Variants in DDX11 observed in about 807,000 individuals in gnomAD.
The protein encoded by DDX11 is DEAD/H-box helicase 11.
A neutral mutation model predicts 125.2 loss-of-function variants in DDX11; 72 were observed. That is an observed-to-expected ratio of 0.58 (90% CI 0.48 to 0.70). The LOEUF (loss-of-function observed/expected upper bound fraction) is 0.70. Among genes scored for constraint, DDX11 ranks in the 30% least tolerant of loss-of-function variants. The pLI is 0.00. For missense variants in DDX11, 883 were observed against 1,165.0 expected (o/e 0.76, Z 3.52); for synonymous variants, 347 against 452.6 (o/e 0.77, Z 2.96).
At chr12:31,092,940 C>T (rs771891498) in intron 11 of DDX11, 48 bp downstream of exon 11, 4 of 1,609,442 alleles carry the variant, frequency 2.5e-6, no homozygotes, top group Non-Finnish European at 3.4e-6. Flanking sequence ...TGGTGGCCCC[C>T]TGCGTGGGCC....
chr12:31,078,095 A>T, intron 1 of DDX11: 1 of 821,228 alleles, frequency 1.2e-6, no homozygotes, highest in Non-Finnish European at 1.8e-6. Context: ...CCTTTTGTAG[A>T]GGCATTAGAA....
chr12:31,094,935 ATTAC>A (rs1944954949), intron 14 of DDX11, 113 bp downstream of exon 14: 1 of 1,169,592 alleles, frequency 8.5e-7, no homozygotes, highest in South Asian at 1.3e-5. Flanking sequence ...CAGATGTGTA[ATTAC>A]TTAACCCTTA....
intron 18 of DDX11, among the ~76,000 whole-genome samples, chr12:31,098,959 G>A (rs1945829195): frequency 6.6e-6 from 1 of 152,058 alleles, no homozygotes; most frequent in Non-Finnish European, 1.5e-5. Context: ...TCTTGTAATG[G>A]GGAATGACAT....
chr12:31,078,230 C>T (rs562066003), intron 1 of DDX11, 160 bp from the exon 2 acceptor site: 1 of 1,552,528 alleles, frequency 6.4e-7, no homozygotes, highest in African/African-American at 1.4e-5. Context: ...CTCACGTGGA[C>T]CTGCTGCGAA....
Position 31,083,892 on chromosome 12 carries a change from G to A in DDX11, c.224G>A (p.Arg75Gln), listed in dbSNP as rs770115639. ...FEQKKREEEARLLETGTGPLH... is the reference protein window; with the variant it reads ...FEQKKREEEAQLLETGTGPLH... The stretch of plus-strand genomic sequence containing the variant: ...CAGAAGAAGCGTGAAGAAGAGGCAC[G>A]ACTCCTTGAAACTGGAACTGGCCCC... The change falls in exon 3 of 27, where the codon CGA (arginine) becomes CAA (glutamine). Residue 75 changes from arginine (R) to glutamine (Q), a missense_variant. Physicochemically the swap from Arg to Gln is conservative, Grantham distance 43. Coordinates refer to ENST00000542838, the MANE Select transcript of DDX11 (RefSeq NM_030653.4). 11 of 1,613,502 alleles carry A rather than the reference G, an allele frequency of 6.8e-6. No individual in the cohort carries two copies. The highest frequency in any genetic ancestry group is 4.5e-5 in the East Asian group (2 of 44,902).
chr12:31,093,467 G>A (rs146172841), intron 12 of DDX11, 143 bp downstream of exon 12: 12,696 of 1,093,356 alleles, frequency 0.012, 109 homozygotes, highest in Non-Finnish European at 0.014. Flanking sequence ...TGTAATCCCA[G>A]CACTTGGGAG....
At chr12:31,098,790 T>A (rs1945786974) in intron 18 of DDX11, among the ~76,000 whole-genome samples, 1 of 152,216 alleles carries the variant, frequency 6.6e-6, no homozygotes, top group African/African-American at 2.4e-5. Flanking sequence ...ACAGTAATTA[T>A]TGTTTCTGAC....
At position 31,083,841 on chromosome 12, in the gene DDX11, C is replaced by G. The variant is rs1457020856; in HGVS notation, c.173C>G (p.Ala58Gly). ...AAGTCCTTAAGTCTTATTTGTGGGGCCCTCTCTTGGCTCCGTGACTTTGAA... is the reference window on the plus strand; with the variant it reads ...AAGTCCTTAAGTCTTATTTGTGGGGGCCTCTCTTGGCTCCGTGACTTTGAA... ...TGKSLSLICG[A>G]LSWLRDFEQK... The change falls in exon 3 of 27, where the codon GCC becomes GGC. Residue 58 changes from alanine to glycine, a missense_variant. By Grantham distance (60) the Ala-to-Gly change is moderately conservative. This residue lies in a region of DDX11 where 283 missense variants were observed against 359.6 expected (regional missense o/e 0.79). Transcript: ENST00000542838. 1 of 1,612,114 alleles carries G rather than the reference C, an allele frequency of 6.2e-7. No homozygotes were observed. The highest frequency in any genetic ancestry group is 1.7e-5 in the Admixed American group (1 of 60,004).
chr12:31,094,106 A>G (rs1944781383), intron 12 of DDX11, among the ~76,000 whole-genome samples: 1 of 152,132 alleles, frequency 6.6e-6, no homozygotes, highest in African/African-American at 2.4e-5. Flanking sequence ...GCCTCTTTGC[A>G]TGACCCTGTC....
chr12:31,081,630 C>T (rs1941961349), intron 2 of DDX11, among the ~76,000 whole-genome samples: 1 of 151,508 alleles, frequency 6.6e-6, no homozygotes, highest in Non-Finnish European at 1.5e-5. Context: ...CCTTTGTGTC[C>T]TCAGCTCTGA....
intron 12 of DDX11, 193 bp from the exon 13 acceptor site, chr12:31,094,397 A>T (rs1161329853): frequency 1.1e-6 from 1 of 908,652 alleles, no homozygotes; most frequent in African/African-American, 1.7e-5. Context: ...CGTGAGTCAG[A>T]CATGGGAGGC....
At chr12:31,102,736 G>A (rs1183899075) in intron 23 of DDX11, 200 bp from the exon 24 acceptor site, 55 of 714,896 alleles carry the variant, frequency 7.7e-5, no homozygotes, top group South Asian at 6.9e-4. Flanking sequence ...TGCTGTATCA[G>A]GACCCAGTCA....
chr12:31,101,497 G>A, intron 20 of DDX11: 1 of 497,346 alleles, frequency 2.0e-6, no homozygotes, highest in Non-Finnish European at 3.7e-6. Flanking sequence ...GTGTGCCTGG[G>A]GTGTGCAGCC....
intron 7 of DDX11, 25 bp downstream of exon 7, chr12:31,089,176 C>A (rs904156537): frequency 6.3e-7 from 1 of 1,588,886 alleles, no homozygotes; most frequent in South Asian, 1.1e-5. Flanking sequence ...GTATTTCCAC[C>A]AGGGGCCATC....
At chr12:31,075,092 G>C (rs1940516002) in intron 1 of DDX11, among the ~76,000 whole-genome samples, 1 of 152,218 alleles carries the variant, frequency 6.6e-6, no homozygotes, top group Admixed American at 6.5e-5. Context: ...GAGCTTTGCT[G>C]TCCTGGTGTG....
rs199779676 is a variant in DDX11, at chr12:31,102,316, G to A, written c.2271+5G>A. 129 of 1,613,844 alleles carry A rather than the reference G, an allele frequency of 8.0e-5. No homozygotes were observed. The highest frequency in any genetic ancestry group is 1.8e-4 in the East Asian group (8 of 44,888). On this transcript the variant is annotated splice_donor_5th_base_variant and intron_variant, in intron 22 of 26. Coordinates refer to ENST00000542838, the MANE Select transcript of DDX11 (RefSeq NM_030653.4). ...GCATATTCCAGGTGCATCCAGGTGC[G>A]GGCGTCATGCTGGGCTTGGGTCTGA...
At chr12:31,092,784 A>C (rs1277979009) in intron 10 of DDX11, 62 bp from the exon 11 acceptor site, 17 of 1,528,282 alleles carry the variant, frequency 1.1e-5, no homozygotes, top group Admixed American at 1.0e-4. Flanking sequence ...AGGTGAATCT[A>C]AGATGTCAGT....
rs1281730856 is a variant in DDX11, at chr12:31,074,076, A to C, written c.-20A>C. On this transcript the variant is annotated 5_prime_UTR_variant, in exon 1 of 27. Coordinates refer to ENST00000542838, the MANE Select transcript of DDX11 (RefSeq NM_030653.4). ...AACTGGGCGTCTGTTCCGGCGCCGGACCCCTATTTGCAAAGGTGGGTGGCC... is the reference window on the plus strand; with the variant it reads ...AACTGGGCGTCTGTTCCGGCGCCGGCCCCCTATTTGCAAAGGTGGGTGGCC... 3 of 152,140 alleles carry C rather than the reference A, an allele frequency of 2.0e-5. No individual in the cohort carries two copies. Among genetic ancestry groups the C allele is most frequent in the African/African-American group, 4.8e-5 (2 of 41,414 alleles). 9.4% of individuals were successfully genotyped at this position (152,140 alleles called of 1,614,324 possible). A position where few individuals can be genotyped will look rare whatever the true frequency, so the allele number is the denominator to read the frequency against.
At position 31,096,682 on chromosome 12, in the gene DDX11, G is replaced by C. The variant is rs1945301258; in HGVS notation, c.1567G>C (p.Glu523Gln). ...GTACGGAGCAGTGTTCTCATCCCGG[G>C]AGCAGCCCAAACTGGCTGGGTTTCA... ...ERYGAVFSSREQPKLAGFQQF... is the reference protein window; with the variant it reads ...ERYGAVFSSRQQPKLAGFQQF... Residue 523 changes from glutamate (E) to glutamine (Q), a missense_variant, in exon 16 of 27, where the codon GAG becomes CAG. Coordinates refer to ENST00000542838, the MANE Select transcript of DDX11 (RefSeq NM_030653.4). The C allele has an allele frequency of 6.2e-7, 1 of 1,613,924 alleles. No individual in the cohort carries two copies. The highest frequency in any genetic ancestry group is 8.5e-7 in the Non-Finnish European group (1 of 1,180,010).
Sources: allele counts gnomAD v4.1 joint callset (sites outside exome capture counted in the v4.1 genomes callset), GRCh38; gene constraint gnomAD v4.1.1; regional missense constraint gnomAD v4.1.1; transcripts MANE v1.5; gene names NCBI Gene and HGNC (gene_info 2026-07-23, HGNC 2026-07-21).